The following TRPM1 variants were observed in gnomAD, a reference collection of about 807,000 sequenced individuals.
TRPM1 encodes the protein TRPM1-203 APA Isoform, Intron 10.
Under a neutral mutation model 149.4 loss-of-function variants are expected in TRPM1, and 113 were observed. The ratio of observed to expected loss-of-function variants is 0.76; its 90% CI spans 0.65 to 0.88. The LOEUF (loss-of-function observed/expected upper bound fraction) is 0.88. Ranked by LOEUF, TRPM1 falls within the 40% of genes least tolerant of loss-of-function variation. TRPM1 has a pLI of 0.00. For synonymous variants in TRPM1, 741 were observed against 759.5 expected (o/e 0.98, Z 0.40); for missense variants, 1,976 against 2,038.7 (o/e 0.97, Z 0.59).
chr15:31,002,427 C>A lies in TRPM1; in HGVS notation c.4273G>T (p.Glu1425Ter). The change falls in exon 28 of 28, where the codon GAA (glutamate) becomes TAA (stop). Residue 1425 changes from glutamate (E) to a stop codon, truncating the protein, a stop_gained. Coordinates refer to ENST00000256552, the MANE Select transcript of TRPM1 (RefSeq NM_001252024.2). LOFTEE classifies it low-confidence loss of function (END_TRUNC). ...ATAGTGCCTTCTATATTTGTCGTTT[C>A]CACTGTTAGCTGAGTGTTTTGAACA... ...SDVQNTQLTV[E>*]TTNIEGTISY... 6.2e-7 allele frequency: 1 copy of A among 1,614,232 alleles called. No individual in the cohort carries two copies.
intron 11 of TRPM1, among the ~76,000 whole-genome samples, chr15:31,059,611 T>C (rs1169583842): frequency 6.6e-6 from 1 of 152,134 alleles, no homozygotes; most frequent in Non-Finnish European, 1.5e-5. Flanking sequence ...CTCACTATGT[T>C]GACCAGGTTG....
chr15:31,042,361 A>T, intron 16 of TRPM1, 118 bp from the exon 17 acceptor site: 1 of 1,021,670 alleles, frequency 9.8e-7, no homozygotes, highest in Non-Finnish European at 1.4e-6. Flanking sequence ...CTTCTGAAGT[A>T]CATCTTACAT....
chr15:31,130,644 C>T (rs940967486), intron 1 of TRPM1, among the ~76,000 whole-genome samples: 3 of 152,098 alleles, frequency 2.0e-5, no homozygotes, highest in Non-Finnish European at 4.4e-5. Context: ...TTTGTAGACC[C>T]TGCATTCTGA....
intron 1 of TRPM1, among the ~76,000 whole-genome samples, chr15:31,155,689 G>A (rs72714652): frequency 2.6e-5 from 4 of 152,238 alleles, no homozygotes; most frequent in Non-Finnish European, 5.9e-5. Context: ...AGGAGGGAAG[G>A]AAGAAGGGAG....
intron 1 of TRPM1, among the ~76,000 whole-genome samples, chr15:31,113,711 G>A (rs958311217): frequency 1.3e-5 from 2 of 152,080 alleles, no homozygotes; most frequent in African/African-American, 4.8e-5. Flanking sequence ...AGTTCATTCC[G>A]GTGGATTTCT....
intron 16 of TRPM1, among the ~76,000 whole-genome samples, chr15:31,044,933 C>T (rs1295834595): frequency 6.6e-6 from 1 of 151,916 alleles, no homozygotes; most frequent in Non-Finnish European, 1.5e-5. Flanking sequence ...CTATAAATGA[C>T]CAAAGTTGAC....
intron 1 of TRPM1, among the ~76,000 whole-genome samples, chr15:31,134,633 C>T (rs2036064044): frequency 6.6e-6 from 1 of 152,200 alleles, no homozygotes; most frequent in African/African-American, 2.4e-5. Context: ...TCTTTCCCCA[C>T]ACCCATCCTT....
chr15:31,102,245 C>T (rs578212173), upstream of TRPM1, among the ~76,000 whole-genome samples: 17 of 152,358 alleles, frequency 1.1e-4, no homozygotes, highest in Non-Finnish European at 2.4e-4. Flanking sequence ...TGCTCTCCCC[C>T]CTTCACCAGG....
At chr15:31,047,321 G>A (rs554043544) in intron 14 of TRPM1, 70 bp from the exon 15 acceptor site, 1 of 1,587,376 alleles carries the variant, frequency 6.3e-7, no homozygotes, top group African/African-American at 1.3e-5. Flanking sequence ...ACACGTCTAG[G>A]GGGTAAGTGG....
chr15:31,118,217 C>G (rs1258706466), intron 1 of TRPM1, among the ~76,000 whole-genome samples: 1 of 152,098 alleles, frequency 6.6e-6, no homozygotes, highest in Non-Finnish European at 1.5e-5. Flanking sequence ...GAGATTGCAC[C>G]ACTGCACTCC....
chr15:31,138,503 C>T, intron 1 of TRPM1, among the ~76,000 whole-genome samples: 1 of 152,156 alleles, frequency 6.6e-6, no homozygotes, highest in East Asian at 1.9e-4. Context: ...CTTCTTTGCC[C>T]TATTTATTCA....
At position 31,042,197 on chromosome 15, in the gene TRPM1, T is replaced by C; in HGVS notation, c.1841A>G (p.Lys614Arg). 1 of 1,608,638 alleles carries C rather than the reference T, an allele frequency of 6.2e-7. No individual in the cohort carries two copies. The highest frequency in any genetic ancestry group is 8.5e-7 in the Non-Finnish European group (1 of 1,177,406). The change falls in exon 17 of 28, where the codon AAG becomes AGG. Residue 614 changes from lysine to arginine, a missense_variant. This residue lies in a region of TRPM1 where 1,332 missense variants were observed against 1,347.1 expected (regional missense o/e 0.99). Coordinates refer to ENST00000256552, the MANE Select transcript of TRPM1 (RefSeq NM_001252024.2). Reference protein sequence around the residue: ...AKGKKKKKKKKEEEIDIDVDD... With the variant: ...AKGKKKKKKKREEEIDIDVDD... ...CACATCAATGTCGATCTCTTCCTCCTTTTTCTTCTTTTTCTTTTTCTTCCC... is the reference window on the plus strand; with the variant it reads ...CACATCAATGTCGATCTCTTCCTCCCTTTTCTTCTTTTTCTTTTTCTTCCC...
chr15:31,080,202 C>A (rs1422109109), intron 2 of TRPM1, among the ~76,000 whole-genome samples: 1 of 152,108 alleles, frequency 6.6e-6, no homozygotes, highest in East Asian at 1.9e-4. Context: ...CATCAAGAAT[C>A]TCTGATGAAT....
chr15:31,038,948 G>T (rs2033519209), intron 18 of TRPM1, among the ~76,000 whole-genome samples: 2 of 151,132 alleles, frequency 1.3e-5, no homozygotes, highest in South Asian at 4.2e-4. Flanking sequence ...ACAACAAAAG[G>T]ATGCCCGGAT....
rs576397428 is a variant in TRPM1 at position 31,157,654 on chromosome 15, C to T, written c.54+3252G>A. ...TGTTTTGGCCAGTGGGGCCTCCAAG[C>T]AGCAGGCTGCTGAGGGATGGAGCTC... On this transcript the variant is annotated intron_variant, in intron 1 of 26. Transcript: ENST00000542188. 8.5e-5 allele frequency among the ~76,000 whole-genome samples: 13 copies of T among 152,278 alleles called. No homozygotes were observed. In the South Asian group the frequency reaches 1.0e-3, roughly 12 times the overall value.
At chr15:31,121,472 G>A (rs2035879436) in intron 1 of TRPM1, among the ~76,000 whole-genome samples, 1 of 152,076 alleles carries the variant, frequency 6.6e-6, no homozygotes, top group Admixed American at 6.6e-5. Context: ...TCACTGATAT[G>A]AGAAATCAAA....
rs550937350 is a variant in TRPM1 at position 31,027,740 on chromosome 15, T to A, written c.3293+592A>T. Among the ~76,000 whole-genome samples the A allele has an allele frequency of 6.6e-5, 10 of 152,356 alleles. No homozygotes were observed. In the East Asian group the frequency reaches 1.9e-3, roughly 29 times the overall value. ...CCCTGTTCAATTCTAAGATTGCATA[T>A]TTCTGTGAAGGATTTTTCCCTCTAT... On this transcript the variant is annotated intron_variant, in intron 25 of 27. Coordinates refer to ENST00000256552, the MANE Select transcript of TRPM1 (RefSeq NM_001252024.2).
intron 23 of TRPM1, 30 bp from the exon 24 acceptor site, chr15:31,029,421 G>T (rs771277085): frequency 1.2e-6 from 2 of 1,610,650 alleles, no homozygotes; most frequent in Non-Finnish European, 1.7e-6. Flanking sequence ...CAGGATTTTT[G>T]TTTTGTTTTG....
At position 31,047,955 on chromosome 15, in the gene TRPM1, T is replaced by C. The variant is rs1226982881; in HGVS notation, c.1573-16A>G. On this transcript the variant is annotated splice_polypyrimidine_tract_variant and intron_variant, in intron 13 of 27. Transcript: ENST00000256552. Reference sequence around the variant, plus strand: ...GACCCAGTCTCTGAAAGAGAAGCATTCATGTGTGTTAAATATGTTTTTCTT... The same window carrying C: ...GACCCAGTCTCTGAAAGAGAAGCATCCATGTGTGTTAAATATGTTTTTCTT... The C allele has an allele frequency of 9.3e-6, 15 of 1,612,422 alleles. No individual in the cohort carries two copies. The highest frequency in any genetic ancestry group is 1.3e-5 in the Non-Finnish European group (15 of 1,178,612).
Sources: gnomAD v4.1 joint callset for allele counts (sites outside exome capture counted in the v4.1 genomes callset) on GRCh38, gnomAD v4.1.1 for gene constraint, gnomAD v4.1.1 regional missense constraint, MANE v1.5 for transcripts, NCBI Gene and HGNC (gene_info 2026-07-23, HGNC 2026-07-21) for gene names.